The following PGM5 variants were observed in gnomAD, a reference collection of about 807,000 sequenced individuals.
PGM5 encodes phosphoglucomutase 5.
A neutral mutation model predicts 59.2 loss-of-function variants in PGM5; 23 were observed. That is an observed-to-expected ratio of 0.39 (90% confidence interval 0.28 to 0.55). The LOEUF (loss-of-function observed/expected upper bound fraction) is 0.55. Ranked by LOEUF, PGM5 falls within the 20% of genes least tolerant of loss-of-function variation. The pLI is 0.66. For missense variants in PGM5, 574 were observed against 748.3 expected (o/e 0.77, Z 2.72); for synonymous variants, 214 against 286.0 (o/e 0.75, Z 2.54).
chr9:68,378,571 A>T (rs1464335986), intron 2 of PGM5, among the ~76,000 whole-genome samples: 1 of 152,248 alleles, frequency 6.6e-6, no homozygotes, highest in Admixed American at 6.5e-5. Context: ...TGTACTCTTC[A>T]GCATAAACTA....
chr9:68,512,832 T>G (rs1354638291), intron 10 of PGM5, among the ~76,000 whole-genome samples: 1 of 152,234 alleles, frequency 6.6e-6, no homozygotes, highest in African/African-American at 2.4e-5. Flanking sequence ...CAACTGCCAC[T>G]GTTGCACAAA....
chr9:68,388,000 C>T (rs1485858488), intron 4 of PGM5, among the ~76,000 whole-genome samples: 1 of 151,214 alleles, frequency 6.6e-6, no homozygotes, highest in African/African-American at 2.4e-5. Context: ...ATTTATCTCC[C>T]TATCATTAAA....
intron 6 of PGM5, among the ~76,000 whole-genome samples, chr9:68,423,746 A>G (rs1314839702): frequency 6.6e-6 from 1 of 152,014 alleles, no homozygotes; most frequent in Non-Finnish European, 1.5e-5. Context: ...CAATTCCATA[A>G]ATAGTCAGAG....
At chr9:68,365,881 A>G (rs1298519669) in intron 1 of PGM5, among the ~76,000 whole-genome samples, 1 of 152,196 alleles carries the variant, frequency 6.6e-6, no homozygotes, top group African/African-American at 2.4e-5. Context: ...TTTACAACAA[A>G]TATTTAATAT....
intron 10 of PGM5, among the ~76,000 whole-genome samples, chr9:68,513,115 A>G (rs1177676282): frequency 6.6e-6 from 1 of 152,268 alleles, no homozygotes; most frequent in Non-Finnish European, 1.5e-5. Context: ...GCATGTATCA[A>G]CATGAGTTTG....
chr9:68,383,866 T>C (rs1460144947), intron 2 of PGM5, among the ~76,000 whole-genome samples: 1 of 151,918 alleles, frequency 6.6e-6, no homozygotes, highest in African/African-American at 2.4e-5. Flanking sequence ...CACATATTTT[T>C]AGTTGAGCTT....
chr9:68,431,789 G>A (rs1339904476), intron 6 of PGM5, among the ~76,000 whole-genome samples: 1 of 152,156 alleles, frequency 6.6e-6, no homozygotes, highest in Non-Finnish European at 1.5e-5. Flanking sequence ...GCTAAAGGAG[G>A]GAGCTGTCTG....
intron 1 of PGM5, among the ~76,000 whole-genome samples, chr9:68,368,878 C>A (rs1239016845): frequency 6.6e-6 from 1 of 152,248 alleles, no homozygotes; most frequent in African/African-American, 2.4e-5. Flanking sequence ...CTCCTGGCTT[C>A]AAGCCATCCT....
At chr9:68,411,794 C>G (rs1247731074) in intron 6 of PGM5, among the ~76,000 whole-genome samples, 15 of 152,146 alleles carry the variant, frequency 9.9e-5, no homozygotes, top group Non-Finnish European at 1.8e-4. Flanking sequence ...GAGGAAACCA[C>G]TTATATTGGC....
chr9:68,443,774 T>C (rs1043405946), intron 6 of PGM5, among the ~76,000 whole-genome samples: 30 of 152,368 alleles, frequency 2.0e-4, no homozygotes, highest in Admixed American at 4.6e-4. Context: ...TTGTATAGCT[T>C]TGTAACAAAA....
intron 6 of PGM5, among the ~76,000 whole-genome samples, chr9:68,401,664 G>A (rs1281285553): frequency 9.2e-5 from 14 of 151,736 alleles, no homozygotes; most frequent in Non-Finnish European, 1.6e-4. Flanking sequence ...GTTCTCCAAC[G>A]GGAACATTAA....
intron 10 of PGM5, among the ~76,000 whole-genome samples, chr9:68,525,709 A>T (rs1218156256): frequency 6.6e-6 from 1 of 152,246 alleles, no homozygotes; most frequent in Non-Finnish European, 1.5e-5. Flanking sequence ...GTGATACATG[A>T]CTGTTTAATT....
chr9:68,366,737 T>C (rs1166272333), intron 1 of PGM5, among the ~76,000 whole-genome samples: 1 of 152,090 alleles, frequency 6.6e-6, no homozygotes, highest in Non-Finnish European at 1.5e-5. Context: ...TCCTAGGGTT[T>C]ATTTCCTCAT....
At chr9:68,492,915 A>C (rs1554687958) in intron 9 of PGM5, among the ~76,000 whole-genome samples, 1 of 152,178 alleles carries the variant, frequency 6.6e-6, no homozygotes, top group Non-Finnish European at 1.5e-5. Flanking sequence ...CTTCACCTTG[A>C]CGCTTTCCAG....
At chr9:68,414,282 C>G (rs1822984438) in intron 6 of PGM5, among the ~76,000 whole-genome samples, 1 of 152,104 alleles carries the variant, frequency 6.6e-6, no homozygotes, top group Admixed American at 6.6e-5. Context: ...CTCAGGTATT[C>G]CTTTATAGCC....
At chr9:68,366,515 A>G (rs1328362479) in intron 1 of PGM5, among the ~76,000 whole-genome samples, 6 of 152,192 alleles carry the variant, frequency 3.9e-5, no homozygotes, top group Non-Finnish European at 8.8e-5. Flanking sequence ...ACTCTAGTCA[A>G]CAGTGGATAT....
At chr9:68,468,119 T>A (rs915694954) in intron 7 of PGM5, among the ~76,000 whole-genome samples, 1 of 152,000 alleles carries the variant, frequency 6.6e-6, no homozygotes, top group Non-Finnish European at 1.5e-5. Flanking sequence ...TACAGATTAT[T>A]TCATCACCCA....
chr9:68,435,001 G>A (rs555147607), intron 6 of PGM5, among the ~76,000 whole-genome samples: 25 of 152,180 alleles, frequency 1.6e-4, no homozygotes, highest in Non-Finnish European at 3.1e-4. Context: ...CCATTCTCCT[G>A]ATAAGTCCTG....
intron 6 of PGM5, among the ~76,000 whole-genome samples, chr9:68,451,131 A>AT (rs782267676): frequency 1.6e-4 from 24 of 152,170 alleles, no homozygotes; most frequent in Non-Finnish European, 2.8e-4. Flanking sequence ...ACACACATGC[A>AT]TTTTATCCCT....
Sources: gnomAD v4.1 joint callset for allele counts (sites outside exome capture counted in the v4.1 genomes callset) on GRCh38, gnomAD v4.1.1 for gene constraint, MANE v1.5 for transcripts, NCBI Gene and HGNC (gene_info 2026-07-23, HGNC 2026-07-21) for gene names.